TRAPPC6B: variants seen among roughly 807,000 people sequenced by gnomAD.
TRAPPC6B encodes TRAPP complex subunit 6B.
TRAPPC6B carries 27 observed loss-of-function variants against 24.7 expected under a neutral mutation model. The observed-to-expected ratio is 1.09, with a 90% CI of 0.81 to 1.51. The LOEUF (loss-of-function observed/expected upper bound fraction) is 1.51. Among genes scored for constraint, TRAPPC6B ranks in the 40% most tolerant of loss-of-function variants. The probability of loss-of-function intolerance (pLI) is 0.00; values close to 1 mark genes in which losing one functional copy is unlikely to be tolerated. For synonymous variants in TRAPPC6B, 80 were observed against 66.6 expected, an observed-to-expected ratio of 1.20 and a Z score of -0.98; for missense variants, 212 against 190.8, an observed-to-expected ratio of 1.11 and a Z score of -0.66.
intron 3 of TRAPPC6B, chr14:39,157,489 T>C: frequency 2.6e-6 from 1 of 382,918 alleles, no homozygotes; most frequent in South Asian, 2.0e-5. Context: ...TAACACCATC[T>C]CCACCTTGGA....
At chr14:39,155,598 G>A (rs2052967657) in intron 3 of TRAPPC6B, among the ~76,000 whole-genome samples, 1 of 151,730 alleles carries the variant, frequency 6.6e-6, no homozygotes, top group African/African-American at 2.4e-5. Context: ...GTGCAGTGGT[G>A]TGATCTAGGC....
Position 39,150,257 on chromosome 14 carries a change from T to C in TRAPPC6B, c.*93A>G. ...ATACATGCTTACTCCTGTACAAACA[T>C]CGAACAATGTAATTAAATCATCACT... is the stretch of plus-strand genomic sequence containing the variant. On this transcript the variant is annotated 3_prime_UTR_variant, in exon 6 of 6. Coordinates refer to ENST00000330149, the MANE Select transcript of TRAPPC6B (RefSeq NM_001079537.2). The C allele has an allele frequency of 1.8e-6, 2 of 1,082,400 alleles. No individual in the cohort carries two copies. The highest frequency in any genetic ancestry group is 2.0e-4 in the Middle Eastern group (1 of 4,960). The allele number at this position is 1,082,400 out of a possible 1,614,324, so 67.0% of individuals were successfully genotyped here.
Position 39,149,402 on chromosome 14 carries a change from TC to T in TRAPPC6B, c.*947del, listed in dbSNP as rs2052889839. On this transcript the variant is annotated 3_prime_UTR_variant, in exon 6 of 6. Coordinates refer to ENST00000330149, the MANE Select transcript of TRAPPC6B (RefSeq NM_001079537.2). ...AGTTTTAGTAATCAACATGCAAGAT[TC>T]TAACAAAAGCTGGAGATAACTGCTT... 1 of 152,188 alleles carries T rather than the reference TC, an allele frequency of 6.6e-6. No individual in the cohort carries two copies. The highest frequency in any genetic ancestry group is 2.4e-5 in the African/African-American group (1 of 41,444). 9.4% of individuals were successfully genotyped at this position (152,188 alleles called of 1,614,324 possible).
chr14:39,152,247 T>A (rs147459056), intron 4 of TRAPPC6B, among the ~76,000 whole-genome samples: 1 of 152,220 alleles, frequency 6.6e-6, no homozygotes, highest in Non-Finnish European at 1.5e-5. Flanking sequence ...CCCCTGGTTA[T>A]TGCCTATTCT....
At chr14:39,151,306 C>A (rs560900738) in intron 5 of TRAPPC6B, among the ~76,000 whole-genome samples, 1 of 142,820 alleles carries the variant, frequency 7.0e-6, no homozygotes, top group South Asian at 2.2e-4. Context: ...AGGAGAATGG[C>A]GTGAACCCGG....
Position 39,154,287 on chromosome 14 carries a change from T to C in TRAPPC6B, c.275A>G (p.Tyr92Cys), listed in dbSNP as rs538309490. The change falls in exon 4 of 6, where the codon TAT becomes TGT. Residue 92 changes from tyrosine (Y) to cysteine (C), a missense_variant. Coordinates refer to ENST00000330149, the MANE Select transcript of TRAPPC6B (RefSeq NM_001079537.2). ...DNLRTNHQGI[Y>C]VLQDNKFRLL... ...GCGAAATTTGTTGTCCTGAAGTACA[T>C]AGATGCCCTGTTCCAAAAATAGAAA... is the stretch of plus-strand genomic sequence containing the variant. 6.8e-6 allele frequency: 11 copies of C among 1,609,934 alleles called. No homozygotes were observed. Among genetic ancestry groups the C allele is most frequent in the South Asian group, 1.1e-5 (1 of 90,814 alleles).
At chr14:39,165,562 A>AG (rs2053099748) in intron 1 of TRAPPC6B, among the ~76,000 whole-genome samples, 1 of 152,210 alleles carries the variant, frequency 6.6e-6, no homozygotes, top group African/African-American at 2.4e-5. Flanking sequence ...TAGGAGGCTG[A>AG]GGCAGGAGGG....
At chr14:39,168,781 CTGTCT>C (rs1333932673) in intron 1 of TRAPPC6B, among the ~76,000 whole-genome samples, 3 of 152,162 alleles carry the variant, frequency 2.0e-5, no homozygotes, top group African/African-American at 7.2e-5. Flanking sequence ...CTCACTATCC[CTGTCT>C]TAATCCAGAT....
Position 39,149,030 on chromosome 14 carries a change from G to A in TRAPPC6B, c.*1320C>T. The A allele has an allele frequency of 6.1e-6, 2 of 327,248 alleles. No homozygotes were observed. The highest frequency in any genetic ancestry group is 1.1e-5 in the Non-Finnish European group (2 of 181,874). The allele number at this position is 327,248 out of a possible 1,614,324, so 20.3% of individuals were successfully genotyped here. ...AGTATTGTAATCTTATGGAACCACT[G>A]CCATATATGAGGTCTGTCACTGACT... On this transcript the variant is annotated 3_prime_UTR_variant, in exon 6 of 6. Transcript: ENST00000330149.
At position 39,149,468 on chromosome 14, in the gene TRAPPC6B, G is replaced by GTTT. The variant is rs1294221432; in HGVS notation, c.*881_*882insAAA. 1 of 152,224 alleles carries GTTT rather than the reference G, an allele frequency of 6.6e-6. No homozygotes were observed. The highest frequency in any genetic ancestry group is 1.5e-5 in the Non-Finnish European group (1 of 68,042). 9.4% of individuals were successfully genotyped at this position (152,224 alleles called of 1,614,324 possible). ...AAGTAAGAGAAAGTAAGTAGAAGAG[G>GTTT]TGGTAAGAAAGATATATCAGATGAG... On this transcript the variant is annotated 3_prime_UTR_variant, in exon 6 of 6. Transcript: ENST00000330149.
At chr14:39,168,293 T>G in intron 1 of TRAPPC6B, among the ~76,000 whole-genome samples, 2 of 147,630 alleles carry the variant, frequency 1.4e-5, no homozygotes, top group Admixed American at 6.7e-5. Flanking sequence ...AATACGCAAG[T>G]GGTTTGGGGG....
At chr14:39,167,940 G>A (rs1028084085) in intron 1 of TRAPPC6B, among the ~76,000 whole-genome samples, 27 of 152,040 alleles carry the variant, frequency 1.8e-4, no homozygotes, top group African/African-American at 6.0e-4. Flanking sequence ...AGGGCCAGGC[G>A]CAGTGGCTTA....
chr14:39,159,590 C>A, intron 1 of TRAPPC6B, 40 bp from the exon 2 acceptor site: 1 of 1,430,938 alleles, frequency 7.0e-7, no homozygotes, highest in Non-Finnish European at 9.6e-7. Context: ...TTTTAGAATG[C>A]TAGGATGTTA....
intron 1 of TRAPPC6B, among the ~76,000 whole-genome samples, chr14:39,164,776 T>G (rs10146176): frequency 0.12 from 18,939 of 152,058 alleles, 1,455 homozygotes; most frequent in East Asian, 0.32. Context: ...GGCAGAGGTT[T>G]CAGTGAGCCA....
chr14:39,167,931 G>C (rs900918255), intron 1 of TRAPPC6B, among the ~76,000 whole-genome samples: 2 of 151,954 alleles, frequency 1.3e-5, no homozygotes, highest in African/African-American at 2.4e-5. Context: ...AGTCAGAAAA[G>C]GGCCAGGCGC....
chr14:39,160,450 T>C (rs1039160496), intron 1 of TRAPPC6B, among the ~76,000 whole-genome samples: 1 of 151,904 alleles, frequency 6.6e-6, no homozygotes, highest in African/African-American at 2.4e-5. Context: ...CATGGTAGCA[T>C]GTGCCATTTT....
chr14:39,158,588 GCTCA>G (rs2053015762), intron 2 of TRAPPC6B, 186 bp from the exon 3 acceptor site: 1 of 494,278 alleles, frequency 2.0e-6, no homozygotes, highest in African/African-American at 2.0e-5. Context: ...CATAATCTCG[GCTCA>G]TTGCAACGTC....
intron 4 of TRAPPC6B, among the ~76,000 whole-genome samples, chr14:39,152,459 G>T (rs139273890): frequency 1.5e-3 from 233 of 152,268 alleles, no homozygotes; most frequent in African/African-American, 5.3e-3. Context: ...CAAAAGTCAT[G>T]ACAAGAACTG....
At chr14:39,165,522 G>A (rs140278977) in intron 1 of TRAPPC6B, among the ~76,000 whole-genome samples, 15 of 152,218 alleles carry the variant, frequency 9.9e-5, no homozygotes, top group South Asian at 2.1e-4. Context: ...GAGGCCAGGC[G>A]CAGTGCTCAT....
Sources: gnomAD v4.1 joint callset for allele counts (sites outside exome capture counted in the v4.1 genomes callset) on GRCh38, gnomAD v4.1.1 for gene constraint, MANE v1.5 for transcripts, NCBI Gene and HGNC (gene_info 2026-07-23, HGNC 2026-07-21) for gene names.